Variants in SLC26A11 observed in about 807,000 individuals in gnomAD.
SLC26A11 encodes the protein solute carrier family 26 member 11, also known as sodium-independent sulfate anion transporter.
In SLC26A11, 58 loss-of-function variants were observed where a neutral mutation model predicts 62.2. That is an observed-to-expected ratio of 0.93 (90% CI 0.76 to 1.16). The LOEUF (loss-of-function observed/expected upper bound fraction) is 1.16, where lower values mean the gene tolerates loss of function less well. SLC26A11 is among the 50% of genes most tolerant of loss of function. The pLI is 0.00. For synonymous variants in SLC26A11, 411 were observed against 368.9 expected (o/e 1.11, Z -1.31); for missense variants, 790 against 794.3 (o/e 0.99, Z 0.06).
At position 80,222,421 on chromosome 17, in the gene SLC26A11, C is replaced by T. The variant is rs140831241; in HGVS notation, c.235-234C>T. ...CTTCCTCAGACTTGGACACAGCACA[C>T]GGGCCTGCACCGACCCCTCTGCCTG... On this transcript the variant is annotated intron_variant, in intron 3 of 17. Coordinates refer to ENST00000361193, the MANE Select transcript of SLC26A11 (RefSeq NM_001166347.2). The surrounding 1 kb of genome is among the most constrained non-coding windows in gnomAD (Gnocchi z 4.7). 8.9e-4 allele frequency: 443 copies of T among 497,004 alleles called. 3 individuals are homozygous for T. The East Asian group carries it at 0.013, about 15-fold the overall frequency. 30.8% of individuals were successfully genotyped at this position (497,004 alleles called of 1,614,324 possible).
chr17:80,237,402 A>G (rs781295489), intron 8 of SLC26A11, 120 bp from the exon 9 acceptor site: 1 of 951,056 alleles, frequency 1.1e-6, no homozygotes, highest in Non-Finnish European at 1.6e-6. Flanking sequence ...CGGATCCTGC[A>G]GCTGACAAGC....
chr17:80,231,763 C>T (rs1271074005), intron 7 of SLC26A11, among the ~76,000 whole-genome samples: 1 of 152,102 alleles, frequency 6.6e-6, no homozygotes, highest in Admixed American at 6.5e-5. Flanking sequence ...AGTACTTTGC[C>T]ATTGATTTCT....
In SLC26A11 at chr17:80,246,307, C is replaced by T. The variant is rs146947468; in HGVS notation, c.1153+98C>T. On this transcript the variant is annotated intron_variant, in intron 12 of 17. Transcript: ENST00000361193. This position sits in a 1 kb window ranked among gnomAD's most constrained non-coding sequence, Gnocchi z 4.4. ...ACGTCCCTTTGGCTCATGGGCCGTG[C>T]GCCCCGGGACTGCACAGGGACTTGG... The T allele has an allele frequency of 0.016, 23,173 of 1,465,586 alleles. 261 individuals are homozygous for T. Among genetic ancestry groups the T allele is most frequent in the South Asian group, 0.029 (2,284 of 77,548 alleles). The allele number at this position is 1,465,586 out of a possible 1,614,324, so 90.8% of individuals were successfully genotyped here.
Position 80,241,819 on chromosome 17 carries a change from T to C in SLC26A11, c.1034T>C (p.Ile345Thr), listed in dbSNP as rs1471517228. The change falls in exon 10 of 18, where the codon ATC (isoleucine) becomes ACC (threonine). Residue 345 changes from isoleucine (I) to threonine (T), a missense_variant and splice_region_variant. Physicochemically the swap from Ile to Thr is moderately conservative, Grantham distance 89 (BLOSUM62 -1). Coordinates refer to ENST00000361193, the MANE Select transcript of SLC26A11 (RefSeq NM_001166347.2). The part of the protein sequence containing the change: ...RIDANQELLA[I>T]GLTNMLGSLV... ...GATGCCAACCAGGAGCTGCTGGCCA[T>C]CGGTAAGACCCCAGCCGCGGGAAGG... 5 of 1,614,142 alleles carry C rather than the reference T, an allele frequency of 3.1e-6. No individual in the cohort carries two copies. The highest frequency in any genetic ancestry group is 4.2e-6 in the Non-Finnish European group (5 of 1,180,018).
rs796580715 is a variant in SLC26A11, at chr17:80,237,381, A to T, written c.913-141A>T. On this transcript the variant is annotated intron_variant, in intron 8 of 17. Coordinates refer to ENST00000361193, the MANE Select transcript of SLC26A11 (RefSeq NM_001166347.2). ...TCCTCCCAGCACCTGGCGCCTCTTC[A>T]GACAAGGAGGCGGATCCTGCAGCTG... 4.7e-6 allele frequency: 4 copies of T among 855,580 alleles called. No individual in the cohort carries two copies. The African/African-American group carries it at 5.1e-5, about 11-fold the overall frequency. 53.0% of individuals were successfully genotyped at this position (855,580 alleles called of 1,614,324 possible).
At chr17:80,241,728 G>A (rs1210854548) in intron 9 of SLC26A11, 43 bp from the exon 10 acceptor site, 1 of 1,597,344 alleles carries the variant, frequency 6.3e-7, no homozygotes, top group Non-Finnish European at 8.6e-7. Flanking sequence ...TTTGAGCGAT[G>A]TTGAATATTA....
intron 6 of SLC26A11, 97 bp downstream of exon 6, chr17:80,226,013 C>A: frequency 8.9e-7 from 1 of 1,122,918 alleles, no homozygotes; most frequent in Non-Finnish European, 1.3e-6. Flanking sequence ...CTGGTGACTG[C>A]TCAAACAGGG....
intron 7 of SLC26A11, among the ~76,000 whole-genome samples, chr17:80,232,431 T>C (rs915910721): frequency 6.6e-6 from 1 of 152,138 alleles, no homozygotes; most frequent in Non-Finnish European, 1.5e-5. Flanking sequence ...ATTTTTGTGT[T>C]TTTAGTAGCA....
intron 14 of SLC26A11, 151 bp from the exon 15 acceptor site, chr17:80,248,424 T>C: frequency 8.1e-7 from 1 of 1,232,462 alleles, no homozygotes; most frequent in Non-Finnish European, 1.1e-6. Flanking sequence ...GTTCTCCCAC[T>C]GTGTGGGGGC....
chr17:80,231,657 C>G (rs1005887024), intron 7 of SLC26A11, among the ~76,000 whole-genome samples: 20 of 152,266 alleles, frequency 1.3e-4, no homozygotes, highest in African/African-American at 4.8e-4. Flanking sequence ...TTTGACTTCT[C>G]CTTTGACCTG....
chr17:80,234,550 T>C (rs1019806375), intron 7 of SLC26A11, among the ~76,000 whole-genome samples: 1 of 152,170 alleles, frequency 6.6e-6, no homozygotes. Flanking sequence ...TGCAGTTTCA[T>C]CAAATTTGGA....
At chr17:80,230,094 C>T (rs7219046) in intron 7 of SLC26A11, among the ~76,000 whole-genome samples, 49,691 of 150,668 alleles carry the variant, frequency 0.33, 8,519 homozygotes, top group Admixed American at 0.47. Flanking sequence ...ACTTGGGAGG[C>T]TGAGGCAGGA....
intron 16 of SLC26A11, among the ~76,000 whole-genome samples, chr17:80,249,923 A>G: frequency 6.6e-6 from 1 of 152,116 alleles, no homozygotes; most frequent in East Asian, 1.9e-4. Context: ...ACAAACGAAA[A>G]AAAACAGGTG....
At chr17:80,236,272 G>C (rs1160735633) in intron 7 of SLC26A11, among the ~76,000 whole-genome samples, 1 of 152,218 alleles carries the variant, frequency 6.6e-6, no homozygotes, top group Admixed American at 6.5e-5. Flanking sequence ...GGGCACCTCT[G>C]CAGATCTCTG....
chr17:80,249,582 C>T (rs1188463888), intron 16 of SLC26A11, among the ~76,000 whole-genome samples: 5 of 152,168 alleles, frequency 3.3e-5, no homozygotes, highest in Non-Finnish European at 5.9e-5. Context: ...AGTCCCTGCT[C>T]TCAGGGGAAT....
At position 80,221,598 on chromosome 17, in the gene SLC26A11, C is replaced by A; in HGVS notation, c.38C>A (p.Ser13Tyr). The change falls in exon 3 of 18, where the codon TCC (serine) becomes TAC (tyrosine). Residue 13 changes from serine (S) to tyrosine (Y), a missense_variant. Ser to Tyr is a moderately radical substitution (Grantham distance 144, BLOSUM62 -2). Coordinates refer to ENST00000361193, the MANE Select transcript of SLC26A11 (RefSeq NM_001166347.2). ...SSVTALGQAR[S>Y]SGPGMAPSAC... is the part of the protein sequence containing the mutation. ...GTGACGGCGCTGGGTCAGGCCAGGT[C>A]CTCTGGCCCCGGGATGGCCCCGAGC... 6.2e-7 allele frequency: 1 copy of A among 1,606,116 alleles called. No homozygotes were observed. The highest frequency in any genetic ancestry group is 8.5e-7 in the Non-Finnish European group (1 of 1,179,394).
At chr17:80,237,879 G>C (rs1230651470) in intron 9 of SLC26A11, among the ~76,000 whole-genome samples, 1 of 152,260 alleles carries the variant, frequency 6.6e-6, no homozygotes, top group Non-Finnish European at 1.5e-5. Context: ...GATGTCCACG[G>C]TGTAAACGCT....
At position 80,225,910 on chromosome 17, in the gene SLC26A11, A is replaced by T; in HGVS notation, c.587A>T (p.Glu196Val). ...QVYHTFLRIA[E>V]TRVGDAVLGL... ...TACCACACCTTCCTCAGGATTGCAG[A>T]GACCAGGTACCCCGGGCTTTGTTCC... The change falls in exon 6 of 18, where the codon GAG (glutamate) becomes GTG (valine). Residue 196 changes from glutamate (E) to valine (V), a missense_variant. Transcript: ENST00000361193. 6.2e-7 allele frequency: 1 copy of T among 1,613,898 alleles called. No individual in the cohort carries two copies. Among genetic ancestry groups the T allele is most frequent in the Non-Finnish European group, 8.5e-7 (1 of 1,179,876 alleles).
Position 80,246,753 on chromosome 17 carries a change from G to C in SLC26A11, c.1294+104G>C. On this transcript the variant is annotated intron_variant, in intron 13 of 17. Coordinates refer to ENST00000361193, the MANE Select transcript of SLC26A11 (RefSeq NM_001166347.2). The surrounding 1 kb of genome is among the most constrained non-coding windows in gnomAD (Gnocchi z 4.4). ...TCCTGCAGCCCCCTCTGTGGGGCTG[G>C]GACTGGGAAGTTAGGGCAGTCCCGG... 1.4e-6 allele frequency: 2 copies of C among 1,437,898 alleles called. No individual in the cohort carries two copies. The highest frequency in any genetic ancestry group is 1.9e-6 in the Non-Finnish European group (2 of 1,067,216). 89.1% of individuals were successfully genotyped at this position (1,437,898 alleles called of 1,614,324 possible).
Sources: gnomAD v4.1 joint callset for allele counts (sites outside exome capture counted in the v4.1 genomes callset) on GRCh38, gnomAD v4.1.1 for gene constraint, Gnocchi (gnomAD v3.1) non-coding constraint, MANE v1.5 for transcripts, NCBI Gene and HGNC (gene_info 2026-07-23, HGNC 2026-07-21) for gene names.